PIK3R1: variants seen among roughly 807,000 people sequenced by gnomAD.
PIK3R1 encodes phosphoinositide-3-kinase regulatory subunit 1, also known as phosphatidylinositol 3-kinase regulatory subunit alpha.
PIK3R1 carries 29 observed loss-of-function variants against 98.0 expected under a neutral mutation model. That is an observed-to-expected ratio of 0.30 (90% CI 0.22 to 0.40). The LOEUF is 0.40. PIK3R1 is among the 10% of genes least tolerant of loss of function. The pLI is 1.00. For synonymous variants in PIK3R1, 282 were observed against 311.8 expected (o/e 0.90, Z 1.01); for missense variants, 596 against 872.7 (o/e 0.68, Z 3.99).
intron 4 of PIK3R1, among the ~76,000 whole-genome samples, chr5:68,277,373 T>C (rs1043684587): frequency 9.2e-5 from 14 of 152,238 alleles, no homozygotes; most frequent in African/African-American, 3.1e-4. Flanking sequence ...GTTAAACATG[T>C]GATATGTCTC....
chr5:68,292,594 G>A (rs745824818), intron 8 of PIK3R1: 1 of 1,470,648 alleles, frequency 6.8e-7, no homozygotes, highest in Non-Finnish European at 9.0e-7. Context: ...TCAGTGAAGT[G>A]CCAGAGTGAA....
At chr5:68,263,182 TAC>T (rs1459840956) in intron 2 of PIK3R1, among the ~76,000 whole-genome samples, 17 of 141,658 alleles carry the variant, frequency 1.2e-4, no homozygotes, top group East Asian at 6.0e-4. Flanking sequence ...TATCTATATA[TAC>T]ATATATCTAC....
intron 2 of PIK3R1, 57 bp downstream of exon 2, chr5:68,227,066 A>T (rs539456941): frequency 6.0e-6 from 9 of 1,488,512 alleles, no homozygotes; most frequent in Admixed American, 2.2e-5. Flanking sequence ...TTTAAGGAAA[A>T]GTCTTAAGTT....
chr5:68,278,660 G>A (rs766268480), intron 4 of PIK3R1, among the ~76,000 whole-genome samples: 12 of 152,194 alleles, frequency 7.9e-5, no homozygotes, highest in Non-Finnish European at 1.8e-4. Context: ...GCAGAAACTT[G>A]GCCAGGCACA....
intron 1 of PIK3R1, among the ~76,000 whole-genome samples, chr5:68,219,261 A>T: frequency 6.6e-6 from 1 of 152,220 alleles, no homozygotes; most frequent in East Asian, 1.9e-4. Flanking sequence ...TGTTTTCCTT[A>T]AAGTAAATCA....
intron 7 of PIK3R1, among the ~76,000 whole-genome samples, chr5:68,289,564 C>G (rs1056398585): frequency 2.0e-5 from 3 of 149,154 alleles, no homozygotes; most frequent in African/African-American, 7.4e-5. Flanking sequence ...AAGAGCCCCT[C>G]CCCCCCCGCC....
intron 4 of PIK3R1, among the ~76,000 whole-genome samples, chr5:68,276,888 G>T (rs1746592995): frequency 6.6e-6 from 1 of 152,128 alleles, no homozygotes; most frequent in South Asian, 2.1e-4. Flanking sequence ...GCTGGACACT[G>T]AGGGATGCCA....
chr5:68,282,002 G>A (rs376739200), intron 7 of PIK3R1, among the ~76,000 whole-genome samples: 1 of 152,172 alleles, frequency 6.6e-6, no homozygotes, highest in Admixed American at 6.5e-5. Context: ...AGAGGATAGG[G>A]TAGGTAAACA....
chr5:68,298,603 A>G lies in PIK3R1; in HGVS notation c.*1002A>G, dbSNP rs762206333. On this transcript the variant is annotated 3_prime_UTR_variant, in exon 16 of 16. Transcript: ENST00000521381. Reference sequence around the variant, plus strand: ...AAAAAATGGCTTCAGAATTAAAACTATGAAATATTTTACAGTTTTTCTTGT... The same window carrying G: ...AAAAAATGGCTTCAGAATTAAAACTGTGAAATATTTTACAGTTTTTCTTGT... 1.9e-4 allele frequency: 45 copies of G among 232,518 alleles called. No individual in the cohort carries two copies. The highest frequency in any genetic ancestry group is 1.4e-4 in the Non-Finnish European group (16 of 117,818). The allele number at this position is 232,518 out of a possible 1,614,324, so 14.4% of individuals were successfully genotyped here.
chr5:68,228,498 C>CA (rs1561259219), intron 2 of PIK3R1, among the ~76,000 whole-genome samples: 1 of 152,098 alleles, frequency 6.6e-6, no homozygotes, highest in Non-Finnish European at 1.5e-5. Flanking sequence ...GCAGATCAAT[C>CA]AAAAAACCAT....
rs1748057137 is a variant in PIK3R1, at chr5:68,301,390, G to GTA, written c.*3790_*3791insAT. ...TATGTGTGTGTGTGTGTGTGTGTGT[G>GTA]TGTATATATATATATATATATATAT... is the stretch of plus-strand genomic sequence containing the variant. On this transcript the variant is annotated 3_prime_UTR_variant, in exon 16 of 16. Transcript: ENST00000521381. 2 of 35,584 alleles carry GTA rather than the reference G, an allele frequency of 5.6e-5. No individual in the cohort carries two copies. The highest frequency in any genetic ancestry group is 2.1e-4 in the African/African-American group (2 of 9,398). The allele number at this position is 35,584 out of a possible 1,614,324, so 2.2% of individuals were successfully genotyped here.
At chr5:68,237,052 CTTTAAATG>C (rs1296010575) in intron 2 of PIK3R1, among the ~76,000 whole-genome samples, 1 of 152,192 alleles carries the variant, frequency 6.6e-6, no homozygotes, top group African/African-American at 2.4e-5. Flanking sequence ...TAAATGTCTG[CTTTAAATG>C]TTTCCCTGAG....
At chr5:68,288,519 G>GAGCCA in intron 7 of PIK3R1, 1 of 1,355,746 alleles carries the variant, frequency 7.4e-7, no homozygotes, top group Non-Finnish European at 9.4e-7. Context: ...GGGACGAGCC[G>GAGCCA]AGCCGAGCCA....
At chr5:68,234,711 A>G (rs919720359) in intron 2 of PIK3R1, among the ~76,000 whole-genome samples, 30 of 152,192 alleles carry the variant, frequency 2.0e-4, no homozygotes, top group African/African-American at 7.2e-4. Flanking sequence ...TTTGTTTCAT[A>G]TATATTTGTT....
intron 2 of PIK3R1, among the ~76,000 whole-genome samples, chr5:68,250,461 G>A (rs1296990894): frequency 6.6e-6 from 1 of 152,220 alleles, no homozygotes; most frequent in African/African-American, 2.4e-5. Context: ...CATTGGCCTT[G>A]ATAGACTTAG....
chr5:68,292,460 G>T, intron 8 of PIK3R1, 99 bp downstream of exon 8: 1 of 1,424,510 alleles, frequency 7.0e-7, no homozygotes. Flanking sequence ...TCCAACATAA[G>T]CATGAAGCAT....
intron 2 of PIK3R1, among the ~76,000 whole-genome samples, chr5:68,227,682 T>C (rs1017342519): frequency 6.6e-6 from 1 of 152,220 alleles, no homozygotes; most frequent in Non-Finnish European, 1.5e-5. Flanking sequence ...GGTATCTACC[T>C]CTTGGTTTCC....
At chr5:68,241,694 G>A (rs1744879432) in intron 2 of PIK3R1, among the ~76,000 whole-genome samples, 1 of 152,234 alleles carries the variant, frequency 6.6e-6, no homozygotes, top group Non-Finnish European at 1.5e-5. Flanking sequence ...TAAAGAGCTG[G>A]TCTTTGCATG....
chr5:68,238,611 A>C (rs1177709665), intron 2 of PIK3R1, among the ~76,000 whole-genome samples: 1 of 152,174 alleles, frequency 6.6e-6, no homozygotes, highest in African/African-American at 2.4e-5. Context: ...ATTCATGTGT[A>C]AGGGGGTAAT....
Sources: gnomAD v4.1 joint callset for allele counts (sites outside exome capture counted in the v4.1 genomes callset) on GRCh38, gnomAD v4.1.1 for gene constraint, MANE v1.5 for transcripts, NCBI Gene and HGNC (gene_info 2026-07-23, HGNC 2026-07-21) for gene names.